The following TAOK1 variants were observed in gnomAD, a reference collection of about 807,000 sequenced individuals.
TAOK1 encodes the protein serine/threonine-protein kinase TAO1.
TAOK1 carries 21 observed loss-of-function variants against 138.3 expected under a neutral mutation model. The ratio of observed to expected loss-of-function variants is 0.15; its 90% CI spans 0.11 to 0.22. The LOEUF (loss-of-function observed/expected upper bound fraction) is 0.22. Ranked by LOEUF, TAOK1 falls within the 10% of genes least tolerant of loss-of-function variation. TAOK1 has a pLI of 1.00. For missense variants in TAOK1, 651 were observed against 1,227.7 expected, an observed-to-expected ratio of 0.53 and a Z score of 7.02; for synonymous variants, 361 against 398.4, an observed-to-expected ratio of 0.91 and a Z score of 1.12.
intron 1 of TAOK1, among the ~76,000 whole-genome samples, chr17:29,430,150 A>G (rs2153022554): frequency 6.6e-6 from 1 of 152,340 alleles, no homozygotes; most frequent in East Asian, 1.9e-4. Context: ...AATGTCCAGC[A>G]AAGCAAAGAA....
rs1176663683 is a variant in TAOK1, at chr17:29,547,759, C to A, written c.*4737C>A. On this transcript the variant is annotated 3_prime_UTR_variant, in exon 20 of 20. Transcript: ENST00000261716. ...TCCCCCATCTAACATGATAGTGCCCCCAACCAGGTTGTAGCATTGCCTTTT... is the reference window on the plus strand; with the variant it reads ...TCCCCCATCTAACATGATAGTGCCCACAACCAGGTTGTAGCATTGCCTTTT... The A allele has an allele frequency of 6.6e-6, 1 of 152,052 alleles. No homozygotes were observed. The highest frequency in any genetic ancestry group is 1.5e-5 in the Non-Finnish European group (1 of 67,958). 9.4% of individuals were successfully genotyped at this position (152,052 alleles called of 1,614,324 possible).
intron 1 of TAOK1, among the ~76,000 whole-genome samples, chr17:29,438,875 A>G (rs1024914026): frequency 7.2e-5 from 11 of 152,214 alleles, no homozygotes; most frequent in East Asian, 1.9e-4. Context: ...GGACTTTCCA[A>G]CTTTTTATTT....
At chr17:29,395,646 CTTTTTTT>C (rs10591199) in intron 1 of TAOK1, among the ~76,000 whole-genome samples, 79,394 of 129,672 alleles carry the variant, frequency 0.61, 24,140 homozygotes, top group East Asian at 0.95. Flanking sequence ...GGTATGTGTA[CTTTTTTT>C]TTTTTTTTTT....
intron 10 of TAOK1, among the ~76,000 whole-genome samples, chr17:29,492,367 G>A (rs1249956489): frequency 2.0e-5 from 3 of 152,036 alleles, no homozygotes; most frequent in Admixed American, 2.0e-4. Flanking sequence ...AAATTGATTA[G>A]CTGCTCTTAC....
chr17:29,466,529 T>G (rs2030673219), intron 2 of TAOK1, among the ~76,000 whole-genome samples: 1 of 152,226 alleles, frequency 6.6e-6, no homozygotes, highest in Non-Finnish European at 1.5e-5. Flanking sequence ...CCCATCTATA[T>G]TCACAAATGC....
At chr17:29,421,778 T>TG (rs750169348) in intron 1 of TAOK1, among the ~76,000 whole-genome samples, 109 of 152,084 alleles carry the variant, frequency 7.2e-4, no homozygotes, top group Non-Finnish European at 1.4e-3. Context: ...AAAAAATTTT[T>TG]GGGGGGTAGA....
intron 1 of TAOK1, among the ~76,000 whole-genome samples, chr17:29,424,368 C>T (rs1029615838): frequency 2.7e-4 from 37 of 136,666 alleles, no homozygotes; most frequent in Non-Finnish European, 3.2e-4. Flanking sequence ...ACCTGGGAGG[C>T]GGAGCTTGGA....
chr17:29,467,320 C>G (rs1441380479), intron 3 of TAOK1, 104 bp downstream of exon 3: 1 of 578,148 alleles, frequency 1.7e-6, no homozygotes, highest in African/African-American at 1.9e-5. Flanking sequence ...GTAGCCCAGG[C>G]TGGAGTGTAG....
chr17:29,420,591 T>TTG (rs1423037341), intron 1 of TAOK1, among the ~76,000 whole-genome samples: 2 of 150,470 alleles, frequency 1.3e-5, no homozygotes, highest in African/African-American at 4.9e-5. Flanking sequence ...ATCTGTTTTT[T>TTG]TTTTTTTTTT....
intron 1 of TAOK1, among the ~76,000 whole-genome samples, chr17:29,439,029 C>T (rs768956703): frequency 5.3e-5 from 8 of 151,902 alleles, no homozygotes; most frequent in African/African-American, 9.7e-5. Flanking sequence ...TTCCCTGAAC[C>T]GTTTGAATTA....
At chr17:29,424,472 A>ACGG (rs1905571343) in intron 1 of TAOK1, among the ~76,000 whole-genome samples, 1 of 150,424 alleles carries the variant, frequency 6.6e-6, no homozygotes, top group African/African-American at 2.4e-5. Flanking sequence ...AAATAGAGAC[A>ACGG]CGGTAACATT....
intron 1 of TAOK1, among the ~76,000 whole-genome samples, chr17:29,423,312 T>C (rs1445800522): frequency 1.3e-5 from 2 of 150,882 alleles, no homozygotes; most frequent in Non-Finnish European, 3.0e-5. Context: ...CTCCACCTCC[T>C]GGGTTCACGC....
chr17:29,535,848 C>G (rs1567748624), intron 19 of TAOK1, among the ~76,000 whole-genome samples: 2 of 151,828 alleles, frequency 1.3e-5, no homozygotes, highest in Admixed American at 6.6e-5. Flanking sequence ...AAGCGAGACC[C>G]TGTCTCAAAA....
intron 1 of TAOK1, 130 bp from the exon 2 acceptor site, chr17:29,451,325 G>C (rs1392423547): frequency 2.8e-6 from 1 of 352,570 alleles, no homozygotes; most frequent in Non-Finnish European, 5.1e-6. Flanking sequence ...AGCTACTGCA[G>C]TAGTACCCAC....
intron 1 of TAOK1, among the ~76,000 whole-genome samples, chr17:29,435,413 A>G (rs897547200): frequency 1.3e-5 from 2 of 152,182 alleles, no homozygotes; most frequent in South Asian, 2.1e-4. Flanking sequence ...TGACCTGATT[A>G]TTTGCCTAAA....
rs762150645 is a variant in TAOK1, at chr17:29,522,395, G to T, written c.2024G>T (p.Cys675Phe). 289 of 1,614,070 alleles carry T rather than the reference G, an allele frequency of 1.8e-4. 1 individual carries two copies. Among genetic ancestry groups the T allele is most frequent in the Non-Finnish European group, 2.4e-4 (282 of 1,180,042 alleles). ...RHLNTIQKMR[C>F]ELIRLQHQTE... Reference sequence around the variant, plus strand: ...CTCAACACAATTCAGAAGATGCGCTGTGAGTTGATCAGATTACAGCATCAA... The same window carrying T: ...CTCAACACAATTCAGAAGATGCGCTTTGAGTTGATCAGATTACAGCATCAA... Residue 675 changes from cysteine (C) to phenylalanine (F), a missense_variant, in exon 17 of 20, where the codon TGT becomes TTT. Cys to Phe is a radical substitution (Grantham distance 205, BLOSUM62 -2). This residue lies in a region of TAOK1 where 258 missense variants were observed against 548.9 expected (regional missense o/e 0.47). Transcript: ENST00000261716.
chr17:29,495,422 T>C (rs1281681234), intron 10 of TAOK1, 138 bp from the exon 11 acceptor site: 2 of 581,624 alleles, frequency 3.4e-6, no homozygotes, highest in Admixed American at 7.2e-5. Context: ...ATTTTATAAA[T>C]AGAAGAAATT....
chr17:29,509,780 C>T (rs1337103751), intron 14 of TAOK1, among the ~76,000 whole-genome samples: 1 of 151,838 alleles, frequency 6.6e-6, no homozygotes, highest in Non-Finnish European at 1.5e-5. Context: ...CCTTTAGTTC[C>T]AGCTACTCAG....
intron 18 of TAOK1, among the ~76,000 whole-genome samples, chr17:29,533,104 G>GCACCTCA: frequency 6.9e-6 from 1 of 145,408 alleles, no homozygotes; most frequent in South Asian, 2.2e-4. Flanking sequence ...GGGCGGAGGG[G>GCACCTCA]CTTCTCACTT....
Sources: gnomAD v4.1 joint callset for allele counts (sites outside exome capture counted in the v4.1 genomes callset) on GRCh38, gnomAD v4.1.1 for gene constraint, gnomAD v4.1.1 regional missense constraint, MANE v1.5 for transcripts, NCBI Gene and HGNC (gene_info 2026-07-23, HGNC 2026-07-21) for gene names.